The following GRAMD4 variants were observed in gnomAD, a reference collection of about 807,000 sequenced individuals.
The protein encoded by GRAMD4 is GRAM domain-containing protein 4.
A neutral mutation model predicts 83.9 loss-of-function variants in GRAMD4; 25 were observed. That is an observed-to-expected ratio of 0.30 (90% CI 0.22 to 0.42). GRAMD4 has a LOEUF of 0.42. GRAMD4 is among the 10% of genes least tolerant of loss of function. The pLI is 1.00. For synonymous variants in GRAMD4, 336 were observed against 320.9 expected (o/e 1.05, Z -0.50); for missense variants, 593 against 788.7 (o/e 0.75, Z 2.97).
chr22:46,667,979 CT>C (rs1398892836), intron 10 of GRAMD4, 116 bp from the exon 11 acceptor site: 9 of 709,042 alleles, frequency 1.3e-5, no homozygotes, highest in African/African-American at 3.6e-5. Context: ...CCCATCCCCC[CT>C]GGCTGTGTGG....
intron 6 of GRAMD4, 33 bp downstream of exon 6, chr22:46,663,205 G>T: frequency 1.9e-6 from 3 of 1,596,352 alleles, no homozygotes; most frequent in Non-Finnish European, 2.6e-6. Flanking sequence ...CTGCCTGTGC[G>T]TTAGGGGCCC....
In GRAMD4 at chr22:46,659,246, C is replaced by A. The variant is rs1389079322; in HGVS notation, c.404+939C>A. On this transcript the variant is annotated intron_variant, in intron 4 of 18. Coordinates refer to ENST00000406902, the MANE Select transcript of GRAMD4 (RefSeq NM_015124.5). The surrounding 1 kb of genome is among the most constrained non-coding windows in gnomAD (Gnocchi z 4.1). ...CTCTCAGCCTCCACTCCCTCAGCCT[C>A]CCCCCTCAGTCTCCACCCTCAGTTT... is the stretch of plus-strand genomic sequence containing the variant. Among the ~76,000 whole-genome samples, 1 of 126,434 alleles carries A rather than the reference C, an allele frequency of 7.9e-6. No homozygotes were observed. The highest frequency in any genetic ancestry group is 3.5e-5 in the African/African-American group (1 of 28,726). 82.9% of individuals were successfully genotyped at this position (126,434 alleles called of 152,430 possible). A position where few individuals can be genotyped will look rare whatever the true frequency, so the allele number is the denominator to read the frequency against.
intron 3 of GRAMD4, among the ~76,000 whole-genome samples, chr22:46,643,145 A>G (rs1248857943): frequency 4.8e-4 from 58 of 119,776 alleles, no homozygotes; most frequent in Middle Eastern, 4.3e-3. Context: ...GCATCCTTCC[A>G]TCCATCCATC....
downstream of GRAMD4, among the ~76,000 whole-genome samples, chr22:46,680,593 TCCAC>T (rs1415980867): frequency 8.0e-5 from 1 of 12,500 alleles, no homozygotes; most frequent in African/African-American, 3.7e-4. Flanking sequence ...CATCCATCCA[TCCAC>T]CCACCCATTC....
In GRAMD4 at chr22:46,595,606, G is replaced by A. The variant is rs111496830; in HGVS notation, c.-50+18316G>A. 7.1e-3 allele frequency among the ~76,000 whole-genome samples: 1,087 copies of A among 152,318 alleles called. 9 individuals carry two copies. The highest frequency in any genetic ancestry group is 0.025 in the African/African-American group (1,031 of 41,578). ...GAGGTTGGCTTTGGGCACACCCATGGGAGGCCCCTCTTCCTGCCCTGAACC... is the reference window on the plus strand; with the variant it reads ...GAGGTTGGCTTTGGGCACACCCATGAGAGGCCCCTCTTCCTGCCCTGAACC... On this transcript the variant is annotated intron_variant, in intron 1 of 1. Transcript: ENST00000431155.
chr22:46,679,679 A>G lies in GRAMD4; in HGVS notation c.*2428A>G. On this transcript the variant is annotated 3_prime_UTR_variant, in exon 19 of 19. Coordinates refer to ENST00000406902, the MANE Select transcript of GRAMD4 (RefSeq NM_015124.5). The stretch of plus-strand genomic sequence containing the variant: ...TTGTACTGTATTAAGAACCGATGAA[A>G]AAAATTCTCCTGTAACATTTTTTTA... The G allele has an allele frequency of 1.0e-6, 1 of 981,842 alleles. No homozygotes were observed. The allele number at this position is 981,842 out of a possible 1,614,324, so 60.8% of individuals were successfully genotyped here.
rs550026083 is a variant in GRAMD4, at chr22:46,622,867, A to G, written c.-50+2302A>G. The stretch of plus-strand genomic sequence containing the variant: ...GCGGATCTTGCAGTGAGCCGAGATC[A>G]CGCCACTGCACTCCAGCCTGGGCGA... On this transcript the variant is annotated intron_variant, in intron 1 of 18. Coordinates refer to ENST00000406902, the MANE Select transcript of GRAMD4 (RefSeq NM_015124.5). This position sits in a 1 kb window ranked among gnomAD's most constrained non-coding sequence, Gnocchi z 4.0. 3.9e-4 allele frequency among the ~76,000 whole-genome samples: 59 copies of G among 150,648 alleles called. No homozygotes were observed. In the East Asian group the frequency reaches 8.2e-3, roughly 21 times the overall value.
At chr22:46,580,016 C>T (rs2081082017) in intron 1 of GRAMD4, among the ~76,000 whole-genome samples, 1 of 152,174 alleles carries the variant, frequency 6.6e-6, no homozygotes, top group South Asian at 2.1e-4. Context: ...TTCCTGCCTC[C>T]TCCCCTGCAA....
intron 2 of GRAMD4, among the ~76,000 whole-genome samples, chr22:46,636,727 G>A (rs1037162737): frequency 1.3e-5 from 2 of 152,254 alleles, no homozygotes; most frequent in African/African-American, 4.8e-5. Flanking sequence ...AACGTGGAGG[G>A]CGACTGTGTG....
intron 2 of GRAMD4, among the ~76,000 whole-genome samples, chr22:46,628,095 G>A (rs1474190631): frequency 6.6e-6 from 1 of 152,236 alleles, no homozygotes; most frequent in Non-Finnish European, 1.5e-5. Flanking sequence ...TTCTCCGATG[G>A]TGGTCTGTGT....
At position 46,678,107 on chromosome 22, in the gene GRAMD4, C is replaced by T. The variant is rs1012144238; in HGVS notation, c.*856C>T. On this transcript the variant is annotated 3_prime_UTR_variant, in exon 19 of 19. Coordinates refer to ENST00000406902, the MANE Select transcript of GRAMD4 (RefSeq NM_015124.5). ...TCTTTGGAAGGCCCAGGAGAACATC[C>T]GCGAAGGCTGTTGGAGGTGCTCCGA... is the stretch of plus-strand genomic sequence containing the variant. The T allele has an allele frequency of 5.0e-5, 49 of 985,582 alleles. No individual in the cohort carries two copies. The Admixed American group carries it at 8.0e-4, about 16-fold the overall frequency. The allele number at this position is 985,582 out of a possible 1,614,324, so 61.1% of individuals were successfully genotyped here.
At chr22:46,591,572 C>G (rs921526963) in intron 1 of GRAMD4, among the ~76,000 whole-genome samples, 5 of 151,132 alleles carry the variant, frequency 3.3e-5, no homozygotes, top group African/African-American at 1.2e-4. Flanking sequence ...CGGTGCCTCA[C>G]GCCTGTAATC....
Position 46,659,117 on chromosome 22 carries a change from C to G in GRAMD4, c.404+810C>G, listed in dbSNP as rs1047226546. Among the ~76,000 whole-genome samples the G allele has an allele frequency of 6.6e-6, 1 of 152,158 alleles. No homozygotes were observed. Among genetic ancestry groups the G allele is most frequent in the African/African-American group, 2.4e-5 (1 of 41,424 alleles). ...ACATGAGGCCAGGGAGCTCAGGCCA[C>G]TCACCTCTGGCTCCCAGGCCTCCCG... On this transcript the variant is annotated intron_variant, in intron 4 of 18. Coordinates refer to ENST00000406902, the MANE Select transcript of GRAMD4 (RefSeq NM_015124.5). The surrounding 1 kb of genome is among the most constrained non-coding windows in gnomAD (Gnocchi z 4.1).
chr22:46,614,817 C>T (rs2081454968), intron 1 of GRAMD4, among the ~76,000 whole-genome samples: 1 of 147,948 alleles, frequency 6.8e-6, no homozygotes, highest in African/African-American at 2.5e-5. Context: ...TGTAGGTTCC[C>T]CTGTGCTTTA....
At chr22:46,662,835 C>A (rs900229108) in intron 5 of GRAMD4, among the ~76,000 whole-genome samples, 1 of 152,194 alleles carries the variant, frequency 6.6e-6, no homozygotes, top group Non-Finnish European at 1.5e-5. Context: ...GGTTGGTTTG[C>A]ACTTGGTGTC....
chr22:46,600,655 C>T (rs1019896216), intron 1 of GRAMD4, among the ~76,000 whole-genome samples: 1 of 152,150 alleles, frequency 6.6e-6, no homozygotes, highest in Non-Finnish European at 1.5e-5. Flanking sequence ...AGGTGCTAAG[C>T]CCCGGTCGCA....
At position 46,662,175 on chromosome 22, in the gene GRAMD4, G is replaced by T. The variant is rs189104864; in HGVS notation, c.466+733G>T. Among the ~76,000 whole-genome samples the T allele has an allele frequency of 4.4e-3, 664 of 152,348 alleles. 2 individuals are homozygous for T. The highest frequency in any genetic ancestry group is 0.016 in the African/African-American group (645 of 41,580). On this transcript the variant is annotated intron_variant, in intron 5 of 18. Transcript: ENST00000406902. ...AAAACTCTGCCAGGCTGCCTTGGGG[G>T]CGGGAAGAAGCCGCAGGAGCCTGCC...
chr22:46,643,251 C>A (rs1234086112), intron 3 of GRAMD4, among the ~76,000 whole-genome samples: 1 of 147,232 alleles, frequency 6.8e-6, no homozygotes, highest in African/African-American at 2.5e-5. Flanking sequence ...ATCCATCCAT[C>A]CAACCATCCG....
chr22:46,644,185 C>A (rs888224372), intron 3 of GRAMD4, among the ~76,000 whole-genome samples: 1 of 152,260 alleles, frequency 6.6e-6, no homozygotes, highest in Non-Finnish European at 1.5e-5. Context: ...TACACTTGCC[C>A]CTGTTCTATG....
Sources: allele counts gnomAD v4.1 joint callset (sites outside exome capture counted in the v4.1 genomes callset), GRCh38; gene constraint gnomAD v4.1.1; non-coding constraint Gnocchi (gnomAD v3.1); transcripts MANE v1.5; gene names NCBI Gene and HGNC (gene_info 2026-07-23, HGNC 2026-07-21).